NRG3: variants seen among roughly 807,000 people sequenced by gnomAD.
NRG3 encodes pro-neuregulin-3, membrane-bound isoform.
NRG3 carries 31 observed loss-of-function variants against 66.9 expected under a neutral mutation model. The observed-to-expected ratio is 0.46, with a 90% CI of 0.35 to 0.63. The LOEUF (loss-of-function observed/expected upper bound fraction) is 0.63. NRG3 is among the 20% of genes least tolerant of loss of function. The probability of loss-of-function intolerance (pLI) is 0.00; values close to 1 mark genes in which losing one functional copy is unlikely to be tolerated. For synonymous variants in NRG3, 393 were observed against 359.4 expected, an observed-to-expected ratio of 1.09 and a Z score of -1.06; for missense variants, 910 against 878.9, an observed-to-expected ratio of 1.04 and a Z score of -0.45.
At chr10:82,965,981 C>G (rs1024482125) in intron 6 of NRG3, among the ~76,000 whole-genome samples, 4 of 151,998 alleles carry the variant, frequency 2.6e-5, no homozygotes, top group African/African-American at 9.7e-5. Context: ...ATGTTATTTT[C>G]TATTTTCTTA....
At chr10:82,961,852 G>T (rs1850677662) in intron 6 of NRG3, among the ~76,000 whole-genome samples, 1 of 152,174 alleles carries the variant, frequency 6.6e-6, no homozygotes, top group African/African-American at 2.4e-5. Flanking sequence ...TACAGAGGGT[G>T]ACGGGTTATT....
intron 3 of NRG3, among the ~76,000 whole-genome samples, chr10:82,852,409 A>G (rs1286064046): frequency 6.6e-6 from 1 of 152,122 alleles, no homozygotes; most frequent in Non-Finnish European, 1.5e-5. Flanking sequence ...ATGTAAACCT[A>G]TGTAACAAGC....
At chr10:82,626,985 A>G (rs2049470751) in intron 2 of NRG3, among the ~76,000 whole-genome samples, 1 of 149,594 alleles carries the variant, frequency 6.7e-6, no homozygotes, top group Admixed American at 6.8e-5. Context: ...AGGAGATCAT[A>G]TATTTAGCTA....
intron 1 of NRG3, among the ~76,000 whole-genome samples, chr10:82,046,151 C>T (rs987735395): frequency 1.3e-5 from 2 of 148,312 alleles, no homozygotes; most frequent in Non-Finnish European, 3.0e-5. Flanking sequence ...CTATAAATTA[C>T]CTTGGGCAGC....
intron 2 of NRG3, among the ~76,000 whole-genome samples, chr10:82,724,552 T>C (rs868209942): frequency 2.0e-5 from 3 of 152,178 alleles, no homozygotes; most frequent in Non-Finnish European, 4.4e-5. Context: ...CTAAAATGCC[T>C]TGTAGAAAAA....
At chr10:82,268,144 C>A (rs1173774561) in intron 1 of NRG3, among the ~76,000 whole-genome samples, 1 of 152,070 alleles carries the variant, frequency 6.6e-6, no homozygotes, top group Non-Finnish European at 1.5e-5. Flanking sequence ...GAAATGAAAC[C>A]ACACCTGTTT....
At chr10:82,226,211 T>G (rs1199348908) in intron 1 of NRG3, among the ~76,000 whole-genome samples, 2 of 152,176 alleles carry the variant, frequency 1.3e-5, no homozygotes, top group Non-Finnish European at 2.9e-5. Flanking sequence ...ATGAGATTTG[T>G]CTGTGGCTCC....
intron 6 of NRG3, among the ~76,000 whole-genome samples, chr10:82,960,463 A>AT (rs34802482): frequency 0.011 from 1,527 of 137,304 alleles, 11 homozygotes; most frequent in African/African-American, 0.014. Flanking sequence ...AAATGGCTGG[A>AT]TTTTTTTTTT....
intron 3 of NRG3, among the ~76,000 whole-genome samples, chr10:82,762,959 G>A (rs2059386048): frequency 6.6e-6 from 1 of 152,134 alleles, no homozygotes; most frequent in African/African-American, 2.4e-5. Context: ...TTAAAATGAT[G>A]CATCCAAAAG....
Position 82,835,483 on chromosome 10 carries a change from AAG to A in NRG3, c.1028-29924_1028-29923del, listed in dbSNP as rs553780265. On this transcript the variant is annotated intron_variant, in intron 3 of 8. Transcript: ENST00000372141. ...CAGAATGGGGAGATGAACAAAGAGAAAGAGATGACCCAGAATCAGAAACCCTG... is the reference window on the plus strand; with the variant it reads ...CAGAATGGGGAGATGAACAAAGAGAAAGATGACCCAGAATCAGAAACCCTG... 1.1e-3 allele frequency among the ~76,000 whole-genome samples: 166 copies of A among 152,322 alleles called. 1 individual carries two copies. Among genetic ancestry groups the A allele is most frequent in the Middle Eastern group, 6.8e-3 (2 of 294 alleles).
intron 1 of NRG3, among the ~76,000 whole-genome samples, chr10:82,198,802 G>T (rs1053567653): frequency 3.9e-5 from 6 of 152,032 alleles, no homozygotes; most frequent in African/African-American, 1.4e-4. Flanking sequence ...TTCGAGACCA[G>T]CCTGACCAAC....
intron 1 of NRG3, among the ~76,000 whole-genome samples, chr10:82,063,744 A>AACTGAAGAAAGAACTAAAGG (rs1325598292): frequency 6.6e-6 from 1 of 152,180 alleles, no homozygotes; most frequent in African/African-American, 2.4e-5. Context: ...AGAACTAAAG[A>AACTGAAGAAAGAACTAAAGG]ACTAAAGAAA....
chr10:82,744,442 T>A (rs892223421), intron 3 of NRG3, among the ~76,000 whole-genome samples: 2 of 152,144 alleles, frequency 1.3e-5, no homozygotes, highest in African/African-American at 2.4e-5. Context: ...ATGACACAAC[T>A]CTCTGCGCCT....
chr10:82,480,104 G>T (rs970544036), intron 2 of NRG3, among the ~76,000 whole-genome samples: 1 of 152,242 alleles, frequency 6.6e-6, no homozygotes, highest in African/African-American at 2.4e-5. Flanking sequence ...AAACTCGAAA[G>T]ATTGCGTATT....
chr10:82,298,833 GT>G (rs1347508591), intron 1 of NRG3, among the ~76,000 whole-genome samples: 1 of 152,136 alleles, frequency 6.6e-6, no homozygotes, highest in African/African-American at 2.4e-5. Flanking sequence ...CTTTACTCCA[GT>G]TTTAGGATGT....
At chr10:82,699,522 C>T (rs959942916) in intron 2 of NRG3, among the ~76,000 whole-genome samples, 2 of 151,778 alleles carry the variant, frequency 1.3e-5, no homozygotes, top group East Asian at 1.9e-4. Flanking sequence ...CTTAAGACCT[C>T]GTTCCTCCCT....
intron 1 of NRG3, among the ~76,000 whole-genome samples, chr10:82,346,276 G>T (rs1439473787): frequency 6.0e-5 from 9 of 149,966 alleles, no homozygotes; most frequent in South Asian, 2.1e-4. Flanking sequence ...TAGCATGAAG[G>T]GTTGTTGAAT....
At chr10:82,164,510 C>T (rs143589971) in intron 1 of NRG3, among the ~76,000 whole-genome samples, 1,744 of 152,180 alleles carry the variant, frequency 0.011, 18 homozygotes, top group Non-Finnish European at 0.02. Context: ...CACTCTCACT[C>T]GAACCACTGC....
At chr10:82,919,342 C>A (rs1418238015) in intron 4 of NRG3, among the ~76,000 whole-genome samples, 1 of 152,096 alleles carries the variant, frequency 6.6e-6, no homozygotes, top group African/African-American at 2.4e-5. Flanking sequence ...CTTAAGCCTA[C>A]TTCTAGTCTG....
Sources: gnomAD v4.1 joint callset for allele counts (sites outside exome capture counted in the v4.1 genomes callset) on GRCh38, gnomAD v4.1.1 for gene constraint, MANE v1.5 for transcripts, NCBI Gene and HGNC (gene_info 2026-07-23, HGNC 2026-07-21) for gene names.